The following SEMA3D variants were observed in gnomAD, a reference collection of about 807,000 sequenced individuals.
SEMA3D encodes semaphorin 3D.
In SEMA3D, 84 loss-of-function variants were observed where a neutral mutation model predicts 100.1. The observed-to-expected ratio is 0.84, with a 90% CI of 0.70 to 1.01. The LOEUF (loss-of-function observed/expected upper bound fraction) is 1.01. Among genes scored for constraint, SEMA3D ranks in the 50% least tolerant of loss-of-function variants. SEMA3D has a pLI of 0.00. For missense variants in SEMA3D, 875 were observed against 934.1 expected (o/e 0.94, Z 0.82); for synonymous variants, 312 against 320.7 (o/e 0.97, Z 0.29).
At chr7:85,155,410 C>G (rs1049743597) in intron 1 of SEMA3D, among the ~76,000 whole-genome samples, 1 of 152,106 alleles carries the variant, frequency 6.6e-6, no homozygotes, top group African/African-American at 2.4e-5. Flanking sequence ...AGGCTATCAT[C>G]TTAGTTTTAA....
chr7:85,007,226 A>G (rs994134043), intron 17 of SEMA3D, among the ~76,000 whole-genome samples: 2 of 151,760 alleles, frequency 1.3e-5, no homozygotes, highest in Non-Finnish European at 2.9e-5. Flanking sequence ...ATATATTGAG[A>G]TTTTTTTCTT....
At chr7:85,053,927 G>A (rs1438406846) in intron 9 of SEMA3D, among the ~76,000 whole-genome samples, 1 of 151,878 alleles carries the variant, frequency 6.6e-6, no homozygotes, top group Admixed American at 6.6e-5. Context: ...GGTTTTGTGT[G>A]TGTGTATGTG....
chr7:85,200,104 G>T, the SEMA3D span, among the ~76,000 whole-genome samples: 127 of 152,270 alleles, frequency 8.3e-4, no homozygotes, highest in Middle Eastern at 3.4e-3. Flanking sequence ...CTCAGTCTCA[G>T]GTATGTCTTT....
chr7:85,095,920 C>T (rs1020987766), intron 4 of SEMA3D, among the ~76,000 whole-genome samples: 2 of 151,886 alleles, frequency 1.3e-5, no homozygotes, highest in Non-Finnish European at 2.9e-5. Flanking sequence ...TTAAAATAGT[C>T]ACAGCAGGAA....
At chr7:85,230,113 A>G in the SEMA3D span, among the ~76,000 whole-genome samples, 1 of 152,174 alleles carries the variant, frequency 6.6e-6, no homozygotes, top group African/African-American at 2.4e-5. Context: ...CCATATTTCT[A>G]CATCTTAATC....
chr7:85,005,038 G>A (rs961268414), intron 18 of SEMA3D, among the ~76,000 whole-genome samples: 1 of 151,834 alleles, frequency 6.6e-6, no homozygotes, highest in African/African-American at 2.4e-5. Context: ...TAAGTATCTA[G>A]AGCTGAGAGC....
chr7:85,130,459 A>T (rs1562829631), intron 2 of SEMA3D, among the ~76,000 whole-genome samples: 1 of 152,148 alleles, frequency 6.6e-6, no homozygotes, highest in Non-Finnish European at 1.5e-5. Context: ...TAATTGTGTC[A>T]CTATAAGGTA....
intron 1 of SEMA3D, among the ~76,000 whole-genome samples, chr7:85,186,466 C>G (rs1791555147): frequency 6.6e-6 from 1 of 152,152 alleles, no homozygotes; most frequent in South Asian, 2.1e-4. Flanking sequence ...CGCGCTGAAG[C>G]TGGCGCCGCG....
chr7:85,249,202 G>A, the SEMA3D span, among the ~76,000 whole-genome samples: 2 of 152,154 alleles, frequency 1.3e-5, no homozygotes, highest in Non-Finnish European at 2.9e-5. Flanking sequence ...ATGATGAGAT[G>A]AGAATGTCAC....
At chr7:85,183,808 A>C (rs1409117446) in intron 1 of SEMA3D, among the ~76,000 whole-genome samples, 1 of 152,188 alleles carries the variant, frequency 6.6e-6, no homozygotes, top group Non-Finnish European at 1.5e-5. Context: ...ATCTCAGAAC[A>C]TCAACAGGAA....
chr7:85,025,646 A>C (rs925110586), intron 12 of SEMA3D, among the ~76,000 whole-genome samples: 1 of 152,030 alleles, frequency 6.6e-6, no homozygotes, highest in Non-Finnish European at 1.5e-5. Flanking sequence ...AGGAATGACT[A>C]ATGTGAGGGA....
rs564727233 is a variant in SEMA3D at position 85,157,604 on chromosome 7, A to C, written c.-172-3865T>G. On this transcript the variant is annotated intron_variant, in intron 1 of 18. Coordinates refer to ENST00000284136, the MANE Select transcript of SEMA3D (RefSeq NM_001384900.1). Reference sequence around the variant, plus strand: ...ATTTCTCTTGTTACTTGTATTTTGCAAGGCTTATAAGTAAATAAATTGCAT... The same window carrying C: ...ATTTCTCTTGTTACTTGTATTTTGCCAGGCTTATAAGTAAATAAATTGCAT... 8.3e-4 allele frequency: 754 copies of C among 911,042 alleles called. 1 individual carries two copies. Among genetic ancestry groups the C allele is most frequent in the Non-Finnish European group, 9.5e-4 (727 of 762,116 alleles). The allele number at this position is 911,042 out of a possible 1,614,324, so 56.4% of individuals were successfully genotyped here.
At chr7:85,173,126 A>AAG (rs1404652110) in intron 1 of SEMA3D, among the ~76,000 whole-genome samples, 1 of 100,782 alleles carries the variant, frequency 9.9e-6, no homozygotes, top group Non-Finnish European at 2.5e-5. Flanking sequence ...AAAAGAGAGA[A>AAG]AGAGAGAGAG....
At chr7:85,172,946 G>A (rs1791124236) in intron 1 of SEMA3D, among the ~76,000 whole-genome samples, 1 of 151,996 alleles carries the variant, frequency 6.6e-6, no homozygotes, top group African/African-American at 2.4e-5. Context: ...AATAGTGAGA[G>A]CATTTAACAA....
intron 6 of SEMA3D, among the ~76,000 whole-genome samples, chr7:85,072,652 A>G (rs1188604347): frequency 6.6e-6 from 1 of 152,240 alleles, no homozygotes; most frequent in Non-Finnish European, 1.5e-5. Context: ...GATCAAGTAT[A>G]TGGTGAAAAT....
At chr7:85,012,988 A>G (rs1789999241) in intron 16 of SEMA3D, 142 bp from the exon 17 acceptor site, 1 of 604,020 alleles carries the variant, frequency 1.7e-6, no homozygotes. Flanking sequence ...CAATATTCCA[A>G]TCAATCTAAC....
chr7:85,126,018 A>G (rs1789556469), intron 2 of SEMA3D, among the ~76,000 whole-genome samples: 1 of 152,040 alleles, frequency 6.6e-6, no homozygotes, highest in African/African-American at 2.4e-5. Flanking sequence ...TCAGATGTGG[A>G]GCCAATAGGG....
intron 1 of SEMA3D, among the ~76,000 whole-genome samples, chr7:85,166,646 C>G (rs1285030374): frequency 6.6e-6 from 1 of 151,916 alleles, no homozygotes; most frequent in African/African-American, 2.4e-5. Context: ...CCCAAGGCTA[C>G]AAGCTTGTTA....
chr7:85,029,118 C>T lies in SEMA3D; in HGVS notation c.1192-6505G>A. On this transcript the variant is annotated intron_variant, in intron 12 of 18. Transcript: ENST00000284136. Reference sequence around the variant, plus strand: ...GGCAGACACAGACCTTCACTACCTACTCTGACAAGCCTAGCATGTCATTGC... The same window carrying T: ...GGCAGACACAGACCTTCACTACCTATTCTGACAAGCCTAGCATGTCATTGC... 8 of 605,416 alleles carry T rather than the reference C, an allele frequency of 1.3e-5. No homozygotes were observed. In the South Asian group the frequency reaches 1.3e-4, roughly 10 times the overall value. 37.5% of individuals were successfully genotyped at this position (605,416 alleles called of 1,614,324 possible).
Sources: gnomAD v4.1 joint callset for allele counts (sites outside exome capture counted in the v4.1 genomes callset) on GRCh38, gnomAD v4.1.1 for gene constraint, MANE v1.5 for transcripts, NCBI Gene and HGNC (gene_info 2026-07-23, HGNC 2026-07-21) for gene names.